The following CKLF variants were observed in gnomAD, a reference collection of about 807,000 sequenced individuals.
CKLF encodes chemokine like factor.
CKLF carries 16 observed loss-of-function variants against 12.9 expected under a neutral mutation model. That is an observed-to-expected ratio of 1.24 (90% confidence interval 0.84 to 1.88). The LOEUF is 1.88. Ranked by LOEUF, CKLF falls within the 40% of genes most tolerant of loss-of-function variation. The probability of loss-of-function intolerance (pLI) is 0.00; values close to 1 mark genes in which losing one functional copy is unlikely to be tolerated. For synonymous variants in CKLF, 61 were observed against 69.0 expected (o/e 0.88, Z 0.57); for missense variants, 172 against 188.5 (o/e 0.91, Z 0.51).
At chr16:66,558,073 G>T (rs1597127738) in intron 1 of CKLF, 117 bp from the exon 2 acceptor site, 3 of 1,470,360 alleles carry the variant, frequency 2.0e-6, no homozygotes, top group East Asian at 4.6e-5. Flanking sequence ...CTCCCAAAAT[G>T]CTGGGATTAT....
At chr16:66,556,985 T>G (rs1196948062) in intron 1 of CKLF, among the ~76,000 whole-genome samples, 1 of 152,172 alleles carries the variant, frequency 6.6e-6, no homozygotes, top group Admixed American at 6.5e-5. Context: ...ACCAGCTATT[T>G]TTTTCACTTA....
At chr16:66,566,139 G>A (rs2144572817), downstream of CKLF, 4 of 1,603,124 alleles carry the variant, frequency 2.5e-6, no homozygotes, top group Middle Eastern at 2.0e-4. The surrounding 1 kb of genome is among the most constrained non-coding windows in gnomAD (Gnocchi z 4.9). Context: ...TGCACCCCGC[G>A]CAGAGCACTA....
intron 2 of CKLF, among the ~76,000 whole-genome samples, chr16:66,562,322 G>A (rs2011788384): frequency 6.6e-6 from 1 of 152,052 alleles, no homozygotes; most frequent in South Asian, 2.1e-4. Context: ...CCAAAGTGTT[G>A]GGATTACAGA....
At chr16:66,565,690 A>G (rs1463547414) in intron 3 of CKLF, 196 bp from the exon 4 acceptor site, 1 of 598,714 alleles carries the variant, frequency 1.7e-6, no homozygotes, top group Non-Finnish European at 3.0e-6. Flanking sequence ...TTCTATAGGC[A>G]AGTATTTAGA....
chr16:66,562,091 C>CT (rs36111855), intron 2 of CKLF, among the ~76,000 whole-genome samples: 53,863 of 146,926 alleles, frequency 0.37, 11,444 homozygotes, highest in Middle Eastern at 0.6. Flanking sequence ...TATTAATTGC[C>CT]TTTTTTTTTT....
Position 66,562,141 on chromosome 16 carries a change from G to A in CKLF, c.238-981G>A, listed in dbSNP as rs192852552. On this transcript the variant is annotated intron_variant, in intron 2 of 3. Coordinates refer to ENST00000264001, the MANE Select transcript of CKLF (RefSeq NM_016951.4). ...AAAAATTCCACCAGGCTGGAATGCA[G>A]TGGTGCAATCTTGGCTCACTGCAAT... Among the ~76,000 whole-genome samples the A allele has an allele frequency of 2.6e-5, 4 of 151,654 alleles. No homozygotes were observed. In the East Asian group the frequency reaches 7.8e-4, roughly 29 times the overall value.
chr16:66,563,556 A>C (rs1480387446), intron 3 of CKLF, among the ~76,000 whole-genome samples: 1 of 152,208 alleles, frequency 6.6e-6, no homozygotes, highest in Non-Finnish European at 1.5e-5. Context: ...AAACAAAAGG[A>C]TGGATGAGTT....
chr16:66,552,954 C>T (rs531411088), intron 1 of CKLF, among the ~76,000 whole-genome samples, 161 bp downstream of exon 1: 1 of 152,150 alleles, frequency 6.6e-6, no homozygotes, highest in Non-Finnish European at 1.5e-5. Context: ...GAGAGAGATA[C>T]GGCACTGTCC....
chr16:66,562,893 GT>G (rs1001247706), intron 2 of CKLF, among the ~76,000 whole-genome samples: 22 of 151,726 alleles, frequency 1.4e-4, no homozygotes, highest in African/African-American at 4.8e-4. Flanking sequence ...GCTAATTTTT[GT>G]TTTTTTTAGT....
At chr16:66,566,285 C>A, downstream of CKLF, 1 of 1,445,918 alleles carries the variant, frequency 6.9e-7, no homozygotes. This position sits in a 1 kb window ranked among gnomAD's most constrained non-coding sequence, Gnocchi z 4.9. Context: ...GCCGGCAGCT[C>A]CGAGGTGTGG....
At chr16:66,558,495 C>A in intron 2 of CKLF, 147 bp downstream of exon 2, 1 of 1,157,380 alleles carries the variant, frequency 8.6e-7, no homozygotes, top group East Asian at 2.6e-5. Context: ...CTAATGTGCC[C>A]TGTATTGCTT....
At chr16:66,559,831 C>G (rs556589228) in intron 2 of CKLF, among the ~76,000 whole-genome samples, 1 of 152,274 alleles carries the variant, frequency 6.6e-6, no homozygotes, top group South Asian at 2.1e-4. Flanking sequence ...AGTTTTTGCT[C>G]CATTACGAAA....
Position 66,565,907 on chromosome 16 carries a change from G to T in CKLF, c.355G>T (p.Val119Leu). 6.2e-7 allele frequency: 1 copy of T among 1,613,988 alleles called. No individual in the cohort carries two copies. The highest frequency in any genetic ancestry group is 8.5e-7 in the Non-Finnish European group (1 of 1,179,890). Residue 119 changes from valine (V) to leucine (L), a missense_variant, in exon 4 of 4, where the codon GTA becomes TTA. By Grantham distance (32) the Val-to-Leu change is conservative. Coordinates refer to ENST00000264001, the MANE Select transcript of CKLF (RefSeq NM_016951.4). ...GGGVFALVTA[V>L]CCLADGALIY... ...CCAGGTGTTTGCACTTGTGACAGCA[G>T]TATGCTGTCTTGCCGACGGGGCCCT...
At position 66,559,662 on chromosome 16, in the gene CKLF, C is replaced by T. The variant is rs16956687; in HGVS notation, c.237+1314C>T. 1.1e-3 allele frequency among the ~76,000 whole-genome samples: 174 copies of T among 152,218 alleles called. 1 individual carries two copies. Among genetic ancestry groups the T allele is most frequent in the African/African-American group, 4.0e-3 (165 of 41,526 alleles). On this transcript the variant is annotated intron_variant, in intron 2 of 3. Transcript: ENST00000264001. ...AAACATAATTCCTTGGAGTTTCTTA[C>T]ATGTCCCAGTAATAAACTGGGAGCC...
Position 66,566,061 on chromosome 16 carries a change from T to G in CKLF, c.*50T>G. 6.2e-7 allele frequency: 1 copy of G among 1,610,266 alleles called. No homozygotes were observed. The highest frequency in any genetic ancestry group is 8.5e-7 in the Non-Finnish European group (1 of 1,177,132). On this transcript the variant is annotated 3_prime_UTR_variant, in exon 4 of 4. Transcript: ENST00000264001. This position sits in a 1 kb window ranked among gnomAD's most constrained non-coding sequence, Gnocchi z 4.9. ...ACTAAGTATTAAACATATTTCTGTA[T>G]TCTTCCACATATTTTCTGCAGTTAT... is the stretch of plus-strand genomic sequence containing the variant.
In CKLF at chr16:66,552,741, A is replaced by C; in HGVS notation, c.26A>C (p.Lys9Thr). Residue 9 changes from lysine (K) to threonine (T), a missense_variant, in exon 1 of 4, where the codon AAA (lysine) becomes ACA (threonine). By Grantham distance (78) the Lys-to-Thr change is moderately conservative. Transcript: ENST00000264001. ...ATGGATAACGTGCAGCCGAAAATAA[A>C]ACATCGCCCCTTCTGCTTCAGTGTG... MDNVQPKIKHRPFCFSVKG... is the reference protein window; with the variant it reads MDNVQPKITHRPFCFSVKG... 1.9e-6 allele frequency: 3 copies of C among 1,614,164 alleles called. No individual in the cohort carries two copies. Among genetic ancestry groups the C allele is most frequent in the Non-Finnish European group, 2.5e-6 (3 of 1,180,026 alleles).
chr16:66,555,348 T>C (rs1597124614), intron 1 of CKLF, among the ~76,000 whole-genome samples: 1 of 152,328 alleles, frequency 6.6e-6, no homozygotes, highest in Middle Eastern at 3.4e-3. Flanking sequence ...ATTGCAGTAA[T>C]CTGGGCAAGA....
intron 1 of CKLF, among the ~76,000 whole-genome samples, chr16:66,556,250 C>T (rs982107991): frequency 6.6e-6 from 1 of 151,684 alleles, no homozygotes; most frequent in African/African-American, 2.4e-5. Flanking sequence ...ATGGCAATAA[C>T]GTCATAGGGG....
intron 2 of CKLF, among the ~76,000 whole-genome samples, chr16:66,559,415 G>A (rs2011583174): frequency 6.6e-6 from 1 of 152,178 alleles, no homozygotes; most frequent in South Asian, 2.1e-4. Flanking sequence ...ACACTTCAGA[G>A]CTGGACTTCG....
Sources: gnomAD v4.1 joint callset for allele counts (sites outside exome capture counted in the v4.1 genomes callset) on GRCh38, gnomAD v4.1.1 for gene constraint, Gnocchi (gnomAD v3.1) non-coding constraint, MANE v1.5 for transcripts, NCBI Gene and HGNC (gene_info 2026-07-23, HGNC 2026-07-21) for gene names.